MYO1F: variants seen among roughly 807,000 people sequenced by gnomAD.
MYO1F encodes myosin IF, also known as unconventional myosin-If.
MYO1F carries 60 observed loss-of-function variants against 146.6 expected under a neutral mutation model. That is an observed-to-expected ratio of 0.41 (90% confidence interval 0.33 to 0.51). The LOEUF is 0.51. Ranked by LOEUF, MYO1F falls within the 20% of genes least tolerant of loss-of-function variation. The pLI is 0.25. For missense variants in MYO1F, 1,274 were observed against 1,534.3 expected, an observed-to-expected ratio of 0.83 and a Z score of 2.83; for synonymous variants, 602 against 602.1, an observed-to-expected ratio of 1.00 and a Z score of 0.00.
Position 8,541,932 on chromosome 19 carries a change from G to A in MYO1F, c.1584C>T (p.Leu528=). 1.2e-6 allele frequency: 2 copies of A among 1,613,634 alleles called. No individual in the cohort carries two copies. Among genetic ancestry groups the A allele is most frequent in the Non-Finnish European group, 1.7e-6 (2 of 1,179,998 alleles). The part of the protein sequence containing the change: ...ERNRDVLFSD[L]IELMQTSEQA... ...GCTCACTGGTCTGCATCAGCTCTAT[G>A]AGGTCGGAGAAGAGAACGTCTCGGT... is the stretch of plus-strand genomic sequence containing the variant. The change falls in exon 15 of 28, where the codon CTC becomes CTT. Residue 528 remains leucine (L), a synonymous_variant. Coordinates refer to ENST00000644032, the MANE Select transcript of MYO1F (RefSeq NM_012335.4).
At chr19:8,560,860 TC>T (rs1249897469) in intron 1 of MYO1F, among the ~76,000 whole-genome samples, 4 of 151,518 alleles carry the variant, frequency 2.6e-5, no homozygotes, top group Non-Finnish European at 5.9e-5. Context: ...TGCCTCAGCC[TC>T]CCGAGTAGCT....
chr19:8,531,334 C>G (rs753851477), intron 19 of MYO1F, among the ~76,000 whole-genome samples: 17 of 151,966 alleles, frequency 1.1e-4, no homozygotes, highest in Non-Finnish European at 2.2e-4. Context: ...GCAACAAGAG[C>G]AAAACTTCAT....
chr19:8,524,138 A>AG (rs1972170408), intron 25 of MYO1F, among the ~76,000 whole-genome samples: 1 of 142,428 alleles, frequency 7.0e-6, no homozygotes, highest in Non-Finnish European at 1.5e-5. Context: ...AAAAAAAAAA[A>AG]GGCCGGGCGC....
chr19:8,530,717 C>A lies in MYO1F; in HGVS notation c.2044-144G>T. Reference sequence around the variant, plus strand: ...TGCTAATTTTTTTAAGAGGCGGGGTCTTTCTAGTGACACTCGTTCATAAAG... The same window carrying A: ...TGCTAATTTTTTTAAGAGGCGGGGTATTTCTAGTGACACTCGTTCATAAAG... On this transcript the variant is annotated intron_variant, in intron 19 of 27. Transcript: ENST00000644032. The surrounding 1 kb of genome is among the most constrained non-coding windows in gnomAD (Gnocchi z 5.8). 1 of 685,656 alleles carries A rather than the reference C, an allele frequency of 1.5e-6. No individual in the cohort carries two copies. The highest frequency in any genetic ancestry group is 1.6e-5 in the South Asian group (1 of 62,246). 42.5% of individuals were successfully genotyped at this position (685,656 alleles called of 1,614,324 possible). A position where few individuals can be genotyped will look rare whatever the true frequency, so the allele number is the denominator to read the frequency against.
chr19:8,553,894 A>ACACACACACACACACACTCTCTCT lies in MYO1F; in HGVS notation c.327-458_327-457insAGAGAGAGTGTGTGTGTGTGTGTG. Among the ~76,000 whole-genome samples the ACACACACACACACACACTCTCTCT allele has an allele frequency of 6.0e-4, 62 of 102,648 alleles. 1 individual carries two copies. Among genetic ancestry groups the ACACACACACACACACACTCTCTCT allele is most frequent in the African/African-American group, 1.4e-3 (33 of 23,970 alleles). 67.3% of individuals were successfully genotyped at this position (102,648 alleles called of 152,430 possible). A position where few individuals can be genotyped will look rare whatever the true frequency, so the allele number is the denominator to read the frequency against. ...CACACACACACACACACACACACACACTCTCTCTCTCTCTCTCTCTCTCTC... is the reference window on the plus strand; with the variant it reads ...CACACACACACACACACACACACACACACACACACACACACACTCTCTCTCTCTCTCTCTCTCTCTCTCTCTCTC... On this transcript the variant is annotated intron_variant, in intron 4 of 27. Transcript: ENST00000644032.
intron 1 of MYO1F, among the ~76,000 whole-genome samples, chr19:8,573,090 C>G (rs1226461566): frequency 6.6e-6 from 1 of 152,112 alleles, no homozygotes; most frequent in Non-Finnish European, 1.5e-5. Flanking sequence ...GGGCAGATCA[C>G]GAGGTCAGGA....
chr19:8,543,735 C>G (rs56989930), intron 14 of MYO1F, among the ~76,000 whole-genome samples: 50 of 11,136 alleles, frequency 4.5e-3, no homozygotes, highest in East Asian at 0.016. Flanking sequence ...GCTGGTGGTG[C>G]TGGTGGTGCT....
chr19:8,523,936 T>C (rs907698822), intron 25 of MYO1F, among the ~76,000 whole-genome samples: 3 of 151,118 alleles, frequency 2.0e-5, no homozygotes, highest in Non-Finnish European at 2.9e-5. Flanking sequence ...CTGGCCAACA[T>C]AGTGAAACTC....
At chr19:8,574,557 TTCTTTCTTTCTTTCTTTCTTTCTC>T (rs1483796035) in intron 1 of MYO1F, among the ~76,000 whole-genome samples, 2 of 84,736 alleles carry the variant, frequency 2.4e-5, no homozygotes, top group African/African-American at 1.2e-4. Flanking sequence ...CTTTCTTTCT[TTCTTTCTTTCTTTCTTTCTTTCTC>T]TCTCTCTCTC....
rs1555720422 is a variant in MYO1F at position 8,532,901 on chromosome 19, A to ATACACAC, written c.2044-2329_2044-2328insGTGTGTA. ...AGATCCTGTCTCAGAAAAAAAAAAAAATACACACACACACACACACACACA... is the reference window on the plus strand; with the variant it reads ...AGATCCTGTCTCAGAAAAAAAAAAAATACACACATACACACACACACACACACACACA... On this transcript the variant is annotated intron_variant, in intron 19 of 27. Transcript: ENST00000644032. 2.9e-3 allele frequency among the ~76,000 whole-genome samples: 140 copies of ATACACAC among 47,834 alleles called. 1 individual carries two copies. The highest frequency in any genetic ancestry group is 0.014 in the African/African-American group (128 of 9,252). The allele number at this position is 47,834 out of a possible 152,430, so 31.4% of individuals were successfully genotyped here. A position where few individuals can be genotyped will look rare whatever the true frequency, so the allele number is the denominator to read the frequency against.
Position 8,551,811 on chromosome 19 carries a change from A to G in MYO1F, c.700T>C (p.Tyr234His), listed in dbSNP as rs1400511928. Residue 234 changes from tyrosine to histidine, a missense_variant, in exon 8 of 28, where the codon TAC becomes CAC. Around this residue, in one of 2 missense-constraint regions of MYO1F, gnomAD observed 900 missense variants for 1,155.1 expected, o/e 0.78. Transcript: ENST00000644032. ...TAGGTGTCCGATTGGTTGAGGTAGT[A>G]ATAGTAGTCCGGTGTCATGAGGCCC... is the stretch of plus-strand genomic sequence containing the variant. The part of the protein sequence containing the change: ...NLGLMTPDYY[Y>H]YLNQSDTYQV... 1 of 1,613,940 alleles carries G rather than the reference A, an allele frequency of 6.2e-7. No individual in the cohort carries two copies.
intron 14 of MYO1F, among the ~76,000 whole-genome samples, chr19:8,542,894 C>T (rs888168787): frequency 6.6e-6 from 1 of 151,674 alleles, no homozygotes; most frequent in Admixed American, 6.6e-5. Context: ...TGAGCCACTG[C>T]ACCCGGCCCT....
chr19:8,574,817 G>A (rs1262011427), intron 1 of MYO1F, among the ~76,000 whole-genome samples: 1 of 146,262 alleles, frequency 6.8e-6, no homozygotes, highest in Admixed American at 7.0e-5. Context: ...GTGCAGTGGC[G>A]TGATCTCGTC....
rs1223152230 is a variant in MYO1F, at chr19:8,522,736, C to T, written c.2948G>A (p.Gly983Asp). The T allele has an allele frequency of 1.2e-6, 2 of 1,612,818 alleles. No homozygotes were observed. The part of the protein sequence containing the change: ...SGGGTHRPPR[G>D]PPSTSLGASR... ...GGCTCCCAGGGATGTGGACGGAGGG[C>T]CCCGGGGAGGCCTGTGGGTGCCCCC... The change falls in exon 26 of 28, where the codon GGC becomes GAC. Residue 983 changes from glycine to aspartate, a missense_variant. This residue lies in a region of MYO1F where 374 missense variants were observed against 379.2 expected (regional missense o/e 0.99). Coordinates refer to ENST00000644032, the MANE Select transcript of MYO1F (RefSeq NM_012335.4).
intron 1 of MYO1F, among the ~76,000 whole-genome samples, chr19:8,573,317 AAAAG>A (rs2042145460): frequency 6.6e-6 from 1 of 151,826 alleles, no homozygotes; most frequent in Admixed American, 6.6e-5. Context: ...TCTCAAAAAA[AAAAG>A]AAGAGACAAT....
In MYO1F at chr19:8,570,372, A is replaced by AT. The variant is rs374201524; in HGVS notation, c.3+6934dup. Among the ~76,000 whole-genome samples, 1,105 of 143,622 alleles carry AT rather than the reference A, an allele frequency of 7.7e-3. 10 individuals are homozygous for AT. Among genetic ancestry groups the AT allele is most frequent in the African/African-American group, 0.02 (785 of 39,126 alleles). The allele number at this position is 143,622 out of a possible 152,430, so 94.2% of individuals were successfully genotyped here. On this transcript the variant is annotated intron_variant, in intron 1 of 27. Transcript: ENST00000644032. ...GGCGTGAGCCACTGCACCCAGCCAC[A>AT]TTTTTTTTTTTATTTGAGATGGAGT...
At chr19:8,543,065 G>A (rs11881473) in intron 14 of MYO1F, among the ~76,000 whole-genome samples, 44,859 of 151,804 alleles carry the variant, frequency 0.3, 9,777 homozygotes, top group African/African-American at 0.61. Context: ...GACCACGCCC[G>A]GCTGATTTTT....
At chr19:8,549,325 G>A (rs866765049) in intron 10 of MYO1F, among the ~76,000 whole-genome samples, 17 of 151,530 alleles carry the variant, frequency 1.1e-4, no homozygotes, top group Admixed American at 9.2e-4. Flanking sequence ...AGGCTGGAGT[G>A]TAGTGGCTTG....
At chr19:8,575,390 A>G (rs2042221682) in intron 1 of MYO1F, among the ~76,000 whole-genome samples, 1 of 151,908 alleles carries the variant, frequency 6.6e-6, no homozygotes. Flanking sequence ...TTAGATTGTC[A>G]TAAGCAGCAT....
Sources: gnomAD v4.1 joint callset for allele counts (sites outside exome capture counted in the v4.1 genomes callset) on GRCh38, gnomAD v4.1.1 for gene constraint, gnomAD v4.1.1 regional missense constraint, Gnocchi (gnomAD v3.1) non-coding constraint, MANE v1.5 for transcripts, NCBI Gene and HGNC (gene_info 2026-07-23, HGNC 2026-07-21) for gene names.